The following DSPP variants were observed in gnomAD, a reference collection of about 807,000 sequenced individuals.
The protein encoded by DSPP is deafness, autosomal dominant 39.
In DSPP, 28 loss-of-function variants were observed where a neutral mutation model predicts 29.1. The observed-to-expected ratio is 0.96, with a 90% CI of 0.71 to 1.32. The LOEUF (loss-of-function observed/expected upper bound fraction) is 1.32, where lower values mean the gene tolerates loss of function less well. DSPP is among the 40% of genes most tolerant of loss of function. DSPP has a pLI of 0.00. For missense variants in DSPP, 1,281 were observed against 1,629.9 expected (o/e 0.79, Z 3.69); for synonymous variants, 481 against 503.4 (o/e 0.96, Z 0.60).
In DSPP at chr4:87,610,906, A is replaced by G. The variant is rs1437086434; in HGVS notation, c.-3A>G. 2 of 1,612,408 alleles carry G rather than the reference A, an allele frequency of 1.2e-6. No individual in the cohort carries two copies. Among genetic ancestry groups the G allele is most frequent in the South Asian group, 2.2e-5 (2 of 91,028 alleles). ...CCATTGATTATTATTATTCCTAAAGAAAATGAAGATAATTACATATTTTTG... is the reference window on the plus strand; with the variant it reads ...CCATTGATTATTATTATTCCTAAAGGAAATGAAGATAATTACATATTTTTG... On this transcript the variant is annotated 5_prime_UTR_variant, in exon 2 of 5. Transcript: ENST00000651931.
rs1466863647 is a variant in DSPP at position 87,615,547 on chromosome 4, G to A, written c.2885G>A (p.Ser962Asn). The A allele has an allele frequency of 1.9e-6, 3 of 1,550,164 alleles. No individual in the cohort carries two copies. Among genetic ancestry groups the A allele is most frequent in the African/African-American group, 1.4e-5 (1 of 73,094 alleles). The change falls in exon 5 of 5, where the codon AGC becomes AAC. Residue 962 changes from serine to asparagine, a missense_variant. Physicochemically the swap from Ser to Asn is conservative, Grantham distance 46. Transcript: ENST00000651931. ...NSSDSSNSSD[S>N]SNSSDSSDSN... ...AGTGACAGCAGCAATAGCAGTGACA[G>A]CAGCAACAGCAGTGACAGCAGTGAT...
At position 87,614,381 on chromosome 4, in the gene DSPP, T is replaced by C; in HGVS notation, c.1719T>C (p.Asp573=). The change falls in exon 5 of 5, where the codon GAT becomes GAC. Residue 573 remains aspartate (D), a synonymous_variant. Transcript: ENST00000651931. ...ACAGCAGTGACAGTGACAGCAGTGA[T>C]AGCAACAGTAGCAGTGATAGTGACA... ...SSDSSDSDSS[D]SNSSSDSDSS... is the part of the protein sequence containing the mutation. The C allele has an allele frequency of 1.3e-6, 2 of 1,578,518 alleles. No individual in the cohort carries two copies. The highest frequency in any genetic ancestry group is 1.7e-6 in the Non-Finnish European group (2 of 1,162,494).
At position 87,616,644 on chromosome 4, in the gene DSPP, G is replaced by C. The variant is rs1259858020; in HGVS notation, c.*76G>C. On this transcript the variant is annotated 3_prime_UTR_variant, in exon 5 of 5. Transcript: ENST00000651931. ...ATAGGAAAAAAAGATTTCCAAGAAA[G>C]TAAAGAAAGGGGAGAAATAAACATA... 2 of 1,533,512 alleles carry C rather than the reference G, an allele frequency of 1.3e-6. No homozygotes were observed. Among genetic ancestry groups the C allele is most frequent in the Non-Finnish European group, 1.8e-6 (2 of 1,136,096 alleles). The allele number at this position is 1,533,512 out of a possible 1,614,324, so 95.0% of individuals were successfully genotyped here. A position where few individuals can be genotyped will look rare whatever the true frequency, so the allele number is the denominator to read the frequency against.
Position 87,613,296 on chromosome 4 carries a change from G to A in DSPP, c.1110G>A (p.Lys370=), listed in dbSNP as rs771879240. The A allele has an allele frequency of 1.3e-5, 21 of 1,613,074 alleles. No homozygotes were observed. Among genetic ancestry groups the A allele is most frequent in the Admixed American group, 1.7e-5 (1 of 59,998 alleles). Residue 370 remains lysine, a synonymous_variant, in exon 4 of 5, where the codon AAG becomes AAA. Coordinates refer to ENST00000651931, the MANE Select transcript of DSPP (RefSeq NM_014208.3). The part of the protein sequence containing the change: ...TKESETHAVG[K]SQDKGIEIKG... ...AATCAGAGACACATGCTGTTGGGAA[G>A]AGCCAAGATAAGGTTAGTTTGTAAA...
Position 87,614,806 on chromosome 4 carries a change from G to A in DSPP, c.2144G>A (p.Ser715Asn). 1 of 1,550,366 alleles carries A rather than the reference G, an allele frequency of 6.5e-7. No individual in the cohort carries two copies. The highest frequency in any genetic ancestry group is 8.7e-7 in the Non-Finnish European group (1 of 1,146,464). Residue 715 changes from serine to asparagine, a missense_variant, in exon 5 of 5, where the codon AGT becomes AAT. Coordinates refer to ENST00000651931, the MANE Select transcript of DSPP (RefSeq NM_014208.3). The part of the protein sequence containing the change: ...SDSSDSDSSD[S>N]SDSSNSNSSD... Reference sequence around the variant, plus strand: ...AGCAGTGATAGTGACAGCAGTGATAGTAGTGACAGCAGTAATAGTAACAGC... The same window carrying A: ...AGCAGTGATAGTGACAGCAGTGATAATAGTGACAGCAGTAATAGTAACAGC...
rs1455526601 is a variant in DSPP at position 87,612,459 on chromosome 4, G to A, written c.273G>A (p.Lys91=). Residue 91 remains lysine (K), a synonymous_variant, in exon 4 of 5, where the codon AAG becomes AAA. Coordinates refer to ENST00000651931, the MANE Select transcript of DSPP (RefSeq NM_014208.3). ...NGSKWAEVGG[K]SFSTYSTLAN... ...CTAAGTGGGCAGAAGTAGGAGGGAA[G>A]AGTTTTTCTACATATTCCACATTAG... is the stretch of plus-strand genomic sequence containing the variant. The A allele has an allele frequency of 1.2e-6, 2 of 1,613,804 alleles. No homozygotes were observed. The highest frequency in any genetic ancestry group is 1.7e-5 in the Admixed American group (1 of 59,980).
In DSPP at chr4:87,613,397, G is replaced by A; in HGVS notation, c.1122+89G>A. 5 of 1,471,378 alleles carry A rather than the reference G, an allele frequency of 3.4e-6. No individual in the cohort carries two copies. In the South Asian group the frequency reaches 5.9e-5, roughly 17 times the overall value. The allele number at this position is 1,471,378 out of a possible 1,614,324, so 91.1% of individuals were successfully genotyped here. A position where few individuals can be genotyped will look rare whatever the true frequency, so the allele number is the denominator to read the frequency against. On this transcript the variant is annotated intron_variant, in intron 4 of 4. Transcript: ENST00000651931. ...CTAGCACAAAAATAAACCATGACAA[G>A]CATCCATGTATTTTTGTATCCATAT...
In DSPP at chr4:87,611,030, A is replaced by AGTGTGTGTGT. The variant is rs33940466; in HGVS notation, c.51+95_51+104dup. The AGTGTGTGTGT allele has an allele frequency of 0.028, 22,941 of 819,016 alleles. 252 individuals are homozygous for AGTGTGTGTGT. The highest frequency in any genetic ancestry group is 0.082 in the African/African-American group (4,631 of 56,592). 50.7% of individuals were successfully genotyped at this position (819,016 alleles called of 1,614,324 possible). A position where few individuals can be genotyped will look rare whatever the true frequency, so the allele number is the denominator to read the frequency against. On this transcript the variant is annotated intron_variant, in intron 2 of 4. Transcript: ENST00000651931. ...TTAACCTAACATTAATACAAAATGT[A>AGTGTGTGTGT]GTGTGTGTGTGTGTGTGTGTGTGTG...
rs201659235 is a variant in DSPP at position 87,616,197 on chromosome 4, A to C, written c.3535A>C (p.Asn1179His). Residue 1179 changes from asparagine (N) to histidine (H), a missense_variant, in exon 5 of 5, where the codon AAT becomes CAT. Asn to His is a moderately conservative substitution (Grantham distance 68). Transcript: ENST00000651931. ...SDSSDSSDSS[N>H]SSDSSDSSDS... ...CAGCAGCGATAGCAGTGACAGCAGCAATAGCAGTGATAGCAGCGACAGCAG... is the reference window on the plus strand; with the variant it reads ...CAGCAGCGATAGCAGTGACAGCAGCCATAGCAGTGATAGCAGCGACAGCAG... 2.8e-5 allele frequency: 40 copies of C among 1,419,776 alleles called. 4 individuals are homozygous for C. In the Admixed American group the frequency reaches 3.3e-4, roughly 12 times the overall value. The allele number at this position is 1,419,776 out of a possible 1,614,324, so 87.9% of individuals were successfully genotyped here. A position where few individuals can be genotyped will look rare whatever the true frequency, so the allele number is the denominator to read the frequency against.
intron 1 of DSPP, among the ~76,000 whole-genome samples, chr4:87,608,824 A>G (rs1218611389): frequency 1.3e-5 from 2 of 152,234 alleles, no homozygotes. Flanking sequence ...GATTGGGAAG[A>G]AGAAAGACCT....
chr4:87,614,125 G>C lies in DSPP; in HGVS notation c.1463G>C (p.Arg488Pro), dbSNP rs140946012. ...NSESDNNSSS[R>P]GDASYNSDES... ...GAAAGTGACAATAACAGCAGTAGCC[G>C]AGGAGATGCTTCTTATAACTCTGAT... Residue 488 changes from arginine to proline, a missense_variant, in exon 5 of 5, where the codon CGA becomes CCA. By Grantham distance (103) the Arg-to-Pro change is moderately radical. Coordinates refer to ENST00000651931, the MANE Select transcript of DSPP (RefSeq NM_014208.3). 6.2e-7 allele frequency: 1 copy of C among 1,614,224 alleles called. No homozygotes were observed. The highest frequency in any genetic ancestry group is 8.5e-7 in the Non-Finnish European group (1 of 1,180,042).
At chr4:87,612,018 TG>T in intron 2 of DSPP, 86 bp from the exon 3 acceptor site, 1 of 279,148 alleles carries the variant, frequency 3.6e-6, no homozygotes, top group Non-Finnish European at 6.1e-6. Context: ...TATTTGTGTG[TG>T]TGTGTGTGTG....
At chr4:87,612,274 CTTCAAGATCA>C in intron 3 of DSPP, 38 bp from the exon 4 acceptor site, 2 of 1,612,792 alleles carry the variant, frequency 1.2e-6, no homozygotes, top group Non-Finnish European at 1.7e-6. Flanking sequence ...ATTTGCTTTC[CTTCAAGATCA>C]TTGATACTTA....
chr4:87,614,199 G>T lies in DSPP; in HGVS notation c.1537G>T (p.Asp513Tyr), dbSNP rs757859876. 3 of 1,614,244 alleles carry T rather than the reference G, an allele frequency of 1.9e-6. No homozygotes were observed. The East Asian group carries it at 6.7e-5, about 36-fold the overall frequency. Residue 513 changes from aspartate (D) to tyrosine (Y), a missense_variant, in exon 5 of 5, where the codon GAT becomes TAT. Around this residue, in one of 4 missense-constraint regions of DSPP, gnomAD observed 631 missense variants for 643.2 expected, o/e 0.98. Coordinates refer to ENST00000651931, the MANE Select transcript of DSPP (RefSeq NM_014208.3). ...CAGTGACTCAAAAGGAGCAGAAGAT[G>T]ATGACAGTGATAGCACATCAGACAC... ...NGSDSKGAED[D>Y]DSDSTSDTNN...
Position 87,614,307 on chromosome 4 carries a change from A to G in DSPP, c.1645A>G (p.Ser549Gly). Residue 549 changes from serine (S) to glycine (G), a missense_variant, in exon 5 of 5, where the codon AGC (serine) becomes GGC (glycine). By Grantham distance (56) the Ser-to-Gly change is moderately conservative. Transcript: ENST00000651931. ...KSDSGKGKSD[S>G]SDSDSSDSSN... ...AGACAGTGGCAAAGGTAAATCAGATAGCAGTGACAGTGATAGTAGTGATAG... is the reference window on the plus strand; with the variant it reads ...AGACAGTGGCAAAGGTAAATCAGATGGCAGTGACAGTGATAGTAGTGATAG... 6.2e-7 allele frequency: 1 copy of G among 1,613,530 alleles called. No homozygotes were observed. The highest frequency in any genetic ancestry group is 8.5e-7 in the Non-Finnish European group (1 of 1,179,612).
intron 2 of DSPP, among the ~76,000 whole-genome samples, 185 bp from the exon 3 acceptor site, chr4:87,611,920 G>A (rs771855377): frequency 2.0e-5 from 3 of 152,088 alleles, no homozygotes; most frequent in Non-Finnish European, 4.4e-5. Flanking sequence ...TTCTACACAA[G>A]CCCTGTAAGA....
rs1219895012 is a variant in DSPP at position 87,615,634 on chromosome 4, G to C, written c.2972G>C (p.Ser991Thr). Residue 991 changes from serine (S) to threonine (T), a missense_variant, in exon 5 of 5, where the codon AGC becomes ACC. By Grantham distance (58) the Ser-to-Thr change is moderately conservative. Transcript: ENST00000651931. ...NSSDSSDSSDSSDSSDSSDSS... is the reference protein window; with the variant it reads ...NSSDSSDSSDTSDSSDSSDSS... ...AGCGATAGCAGTGACAGCAGTGATA[G>C]CAGTGACAGCAGTGACAGCAGTGAT... is the stretch of plus-strand genomic sequence containing the variant. The C allele has an allele frequency of 1.3e-6, 2 of 1,538,608 alleles. No homozygotes were observed. Among genetic ancestry groups the C allele is most frequent in the Non-Finnish European group, 1.8e-6 (2 of 1,139,408 alleles).
chr4:87,612,432 C>T lies in DSPP; in HGVS notation c.246C>T (p.Gly82=), dbSNP rs1481067946. 3.7e-6 allele frequency: 6 copies of T among 1,613,734 alleles called. No homozygotes were observed. The highest frequency in any genetic ancestry group is 3.3e-5 in the Admixed American group (2 of 59,962). ...TQDGHKGEGN[G]SKWAEVGGKS... The stretch of plus-strand genomic sequence containing the variant: ...ATGGTCACAAGGGAGAAGGGAATGG[C>T]TCTAAGTGGGCAGAAGTAGGAGGGA... The change falls in exon 4 of 5, where the codon GGC becomes GGT. Residue 82 remains glycine, a synonymous_variant. Transcript: ENST00000651931.
In DSPP at chr4:87,616,414, A is replaced by G; in HGVS notation, c.3752A>G (p.Asp1251Gly). The G allele has an allele frequency of 1.9e-6, 3 of 1,549,672 alleles. No homozygotes were observed. Among genetic ancestry groups the G allele is most frequent in the Non-Finnish European group, 2.6e-6 (3 of 1,145,952 alleles). The change falls in exon 5 of 5, where the codon GAC (aspartate) becomes GGC (glycine). Residue 1251 changes from aspartate (D) to glycine (G), a missense_variant. Asp to Gly is a moderately conservative substitution (Grantham distance 94, BLOSUM62 -1). Coordinates refer to ENST00000651931, the MANE Select transcript of DSPP (RefSeq NM_014208.3). The part of the protein sequence containing the change: ...SDSSDSSNSS[D>G]SSDSSDSSDS... ...AGCAGTGACAGCAGCAACAGCAGTG[A>G]CAGCAGCGACAGCAGTGATAGCAGT...
Sources: gnomAD v4.1 joint callset for allele counts (sites outside exome capture counted in the v4.1 genomes callset) on GRCh38, gnomAD v4.1.1 for gene constraint, gnomAD v4.1.1 regional missense constraint, MANE v1.5 for transcripts, NCBI Gene and HGNC (gene_info 2026-07-23, HGNC 2026-07-21) for gene names.